Variants in ISLR2 observed in about 807,000 individuals in gnomAD.
ISLR2 encodes the protein immunoglobulin superfamily containing leucine rich repeat 2, also known as immunoglobulin superfamily containing leucine-rich repeat protein 2.
Under a neutral mutation model 25.5 loss-of-function variants are expected in ISLR2, and 16 were observed. The ratio of observed to expected loss-of-function variants is 0.63; its 90% CI spans 0.43 to 0.95. The LOEUF (loss-of-function observed/expected upper bound fraction) is 0.95. Ranked by LOEUF, ISLR2 falls within the 40% of genes least tolerant of loss-of-function variation. ISLR2 has a pLI of 0.00. For synonymous variants in ISLR2, 508 were observed against 486.6 expected (o/e 1.04, Z -0.58); for missense variants, 883 against 1,030.7 (o/e 0.86, Z 1.96).
Position 74,133,975 on chromosome 15 carries a change from C to G in ISLR2, c.1221C>G (p.Ser407Arg). 2 of 1,610,294 alleles carry G rather than the reference C, an allele frequency of 1.2e-6. No individual in the cohort carries two copies. The highest frequency in any genetic ancestry group is 1.7e-6 in the Non-Finnish European group (2 of 1,178,382). ...RKSTAKGRGN[S>R]VLPSKPEGKI... ...CCACAGCCAAGGGCCGGGGCAACAG[C>G]GTCCTGCCTTCCAAACCCGAGGGCA... Residue 407 changes from serine (S) to arginine (R), a missense_variant, in exon 3 of 3, where the codon AGC becomes AGG. This residue lies in a region of ISLR2 where 612 missense variants were observed against 642.8 expected (regional missense o/e 0.95). Transcript: ENST00000453268.
chr15:74,132,904 T>C lies in ISLR2; in HGVS notation c.150T>C (p.Pro50=). ...KELREVPEGL[P]ANVTTLSLSA... is the part of the protein sequence containing the mutation. ...TGCGTGAGGTGCCGGAAGGACTGCC[T>C]GCCAACGTGACGACGCTTAGTCTGT... The change falls in exon 3 of 3, where the codon CCT becomes CCC. Residue 50 remains proline (P), a synonymous_variant. Coordinates refer to ENST00000453268, the MANE Select transcript of ISLR2 (RefSeq NM_020851.3). This position sits in a 1 kb window ranked among gnomAD's most constrained non-coding sequence, Gnocchi z 4.3. 1 of 1,614,100 alleles carries C rather than the reference T, an allele frequency of 6.2e-7. No individual in the cohort carries two copies.
rs1217471512 is a variant in ISLR2 at position 74,133,867 on chromosome 15, G to A, written c.1113G>A (p.Ala371=). 1 of 1,612,032 alleles carries A rather than the reference G, an allele frequency of 6.2e-7. No homozygotes were observed. The highest frequency in any genetic ancestry group is 1.3e-5 in the African/African-American group (1 of 75,020). The part of the protein sequence containing the change: ...LGANSTSIRV[A]VAATGPPKHA... ...CCAACTCTACGTCAATACGCGTGGC[G>A]GTGGCAGCAACCGGGCCCCCAAAAC... Residue 371 remains alanine (A), a synonymous_variant, in exon 3 of 3, where the codon GCG becomes GCA. Coordinates refer to ENST00000453268, the MANE Select transcript of ISLR2 (RefSeq NM_020851.3).
downstream of ISLR2, among the ~76,000 whole-genome samples, chr15:74,138,132 T>G (rs1295207163): frequency 1.3e-5 from 2 of 151,836 alleles, no homozygotes; most frequent in Admixed American, 6.6e-5. Flanking sequence ...AGGAGTGGAG[T>G]GGGGTTGGGG....
At chr15:74,128,274 G>T, upstream of ISLR2, 1 of 345,102 alleles carries the variant, frequency 2.9e-6, no homozygotes, top group South Asian at 2.3e-5. Flanking sequence ...CCCTGCCCGG[G>T]CGGGCACTGG....
At chr15:74,104,815 G>A (rs1595935364) in intron 2 of ISLR2, among the ~76,000 whole-genome samples, 1 of 146,972 alleles carries the variant, frequency 6.8e-6, no homozygotes, top group East Asian at 2.0e-4. Context: ...CAAACTCCTG[G>A]CCTCAATCAG....
chr15:74,121,306 A>T (rs1018406523), intron 2 of ISLR2, among the ~76,000 whole-genome samples: 1 of 152,114 alleles, frequency 6.6e-6, no homozygotes. Flanking sequence ...GAGTCTGGAG[A>T]TAAGGACGCA....
At chr15:74,117,812 T>C (rs977518703) in intron 2 of ISLR2, among the ~76,000 whole-genome samples, 2 of 152,188 alleles carry the variant, frequency 1.3e-5, no homozygotes, top group African/African-American at 4.8e-5. Flanking sequence ...ACTCTAGCCT[T>C]CCTACCAATT....
chr15:74,130,360 G>A (rs533141801), upstream of ISLR2: 201 of 152,328 alleles, frequency 1.3e-3, no homozygotes, highest in Admixed American at 2.4e-3. Flanking sequence ...CTAGCAGCGG[G>A]GGGTGCGGGA....
chr15:74,134,626 C>A lies in ISLR2; in HGVS notation c.1872C>A (p.Pro624=). ...CHLLAKHPGK[P]YRLILRPQAP... Reference sequence around the variant, plus strand: ...TGCTGGCTAAACACCCGGGCAAGCCCTACCGTCTGATCCTGCGGCCTCAGG... The same window carrying A: ...TGCTGGCTAAACACCCGGGCAAGCCATACCGTCTGATCCTGCGGCCTCAGG... Residue 624 remains proline, a synonymous_variant, in exon 3 of 3, where the codon CCC becomes CCA. Transcript: ENST00000453268. The A allele has an allele frequency of 1.9e-6, 3 of 1,614,168 alleles. No homozygotes were observed. Among genetic ancestry groups the A allele is most frequent in the Non-Finnish European group, 2.5e-6 (3 of 1,180,030 alleles).
At chr15:74,124,437 T>C (rs112951534), upstream of ISLR2, among the ~76,000 whole-genome samples, 233 of 152,210 alleles carry the variant, frequency 1.5e-3, no homozygotes, top group Non-Finnish European at 2.8e-3. Context: ...AAGAGAAGCC[T>C]GTCTTTCTAA....
chr15:74,102,635 G>A (rs1436403720), intron 1 of ISLR2, among the ~76,000 whole-genome samples: 1 of 151,854 alleles, frequency 6.6e-6, no homozygotes, highest in African/African-American at 2.4e-5. Flanking sequence ...GCATGTCTGT[G>A]TTCCCAGGTG....
Position 74,133,390 on chromosome 15 carries a change from C to G in ISLR2, c.636C>G (p.Ala212=). ...CCGAGCCCGACTCCATTGCTTGTGC[C>G]TCGCCTCCCGCGCTGCAGGGGGTGC... is the stretch of plus-strand genomic sequence containing the variant. ...SLPEPDSIAC[A]SPPALQGVPV... Residue 212 remains alanine (A), a synonymous_variant, in exon 3 of 3, where the codon GCC becomes GCG. Transcript: ENST00000453268. The G allele has an allele frequency of 6.2e-7, 1 of 1,607,248 alleles. No individual in the cohort carries two copies. The highest frequency in any genetic ancestry group is 8.5e-7 in the Non-Finnish European group (1 of 1,179,772).
At chr15:74,104,337 G>A (rs997128297) in intron 2 of ISLR2, among the ~76,000 whole-genome samples, 3 of 152,164 alleles carry the variant, frequency 2.0e-5, no homozygotes, top group African/African-American at 7.2e-5. Flanking sequence ...GAACTGTCCA[G>A]CCCTAAACAT....
At chr15:74,120,793 A>G (rs563615450) in intron 2 of ISLR2, among the ~76,000 whole-genome samples, 1 of 152,166 alleles carries the variant, frequency 6.6e-6, no homozygotes, top group Non-Finnish European at 1.5e-5. Context: ...ATTGAATGAG[A>G]CAGCATATAG....
At chr15:74,117,409 T>C (rs772958319) in intron 2 of ISLR2, among the ~76,000 whole-genome samples, 16 of 152,136 alleles carry the variant, frequency 1.1e-4, no homozygotes, top group Non-Finnish European at 2.2e-4. Flanking sequence ...GGAAATATCT[T>C]AGGGCTCACA....
At position 74,133,591 on chromosome 15, in the gene ISLR2, C is replaced by A. The variant is rs775614352; in HGVS notation, c.837C>A (p.Gly279=). The A allele has an allele frequency of 1.1e-5, 17 of 1,614,050 alleles. No individual in the cohort carries two copies. Among genetic ancestry groups the A allele is most frequent in the Non-Finnish European group, 1.4e-5 (17 of 1,180,030 alleles). The change falls in exon 3 of 3, where the codon GGC becomes GGA. Residue 279 remains glycine, a synonymous_variant. Transcript: ENST00000453268. ...AATGGCAACTTCAGATCCCCGGTGG[C>A]ACCGTAGTCTTAGAGCCACCGGTTC... ...RLQWQLQIPG[G]TVVLEPPVLS...
intron 2 of ISLR2, among the ~76,000 whole-genome samples, chr15:74,106,046 C>T (rs954797771): frequency 2.6e-5 from 4 of 152,134 alleles, no homozygotes; most frequent in Non-Finnish European, 5.9e-5. Context: ...AGATTTAAAA[C>T]CGGGCTCCAT....
chr15:74,107,190 G>C (rs750329887), intron 2 of ISLR2, among the ~76,000 whole-genome samples: 1 of 152,196 alleles, frequency 6.6e-6, no homozygotes, highest in Non-Finnish European at 1.5e-5. Context: ...TGGGGTCCAG[G>C]AAAGCCAAGG....
Position 74,133,768 on chromosome 15 carries a change from C to T in ISLR2, c.1014C>T (p.Gly338=), listed in dbSNP as rs767102719. ...CGCGCTTCCTGGCCCTCGCAAATGG[C>T]TCCCTGTTGGTGCCCCTCCTGAGTG... ...ATPRFLALAN[G]SLLVPLLSAK... Residue 338 remains glycine (G), a synonymous_variant, in exon 3 of 3, where the codon GGC becomes GGT. Transcript: ENST00000453268. 93 of 1,613,712 alleles carry T rather than the reference C, an allele frequency of 5.8e-5. No individual in the cohort carries two copies. Among genetic ancestry groups the T allele is most frequent in the Non-Finnish European group, 7.5e-5 (89 of 1,179,900 alleles).
Sources: gnomAD v4.1 joint callset for allele counts (sites outside exome capture counted in the v4.1 genomes callset) on GRCh38, gnomAD v4.1.1 for gene constraint, gnomAD v4.1.1 regional missense constraint, Gnocchi (gnomAD v3.1) non-coding constraint, MANE v1.5 for transcripts, NCBI Gene and HGNC (gene_info 2026-07-23, HGNC 2026-07-21) for gene names.